The following SARM1 variants were observed in gnomAD, a reference collection of about 807,000 sequenced individuals.
The protein encoded by SARM1 is NAD(+) hydrolase SARM1.
SARM1 carries 60 observed loss-of-function variants against 65.1 expected under a neutral mutation model. The ratio of observed to expected loss-of-function variants is 0.92; its 90% CI spans 0.75 to 1.14. The LOEUF is 1.14. Among genes scored for constraint, SARM1 ranks in the 50% most tolerant of loss-of-function variants. The pLI is 0.00. For synonymous variants in SARM1, 417 were observed against 465.4 expected (o/e 0.90, Z 1.34); for missense variants, 913 against 1,015.7 (o/e 0.90, Z 1.37).
At chr17:28,390,553 A>G (rs1288997517) in intron 7 of SARM1, among the ~76,000 whole-genome samples, 2 of 152,108 alleles carry the variant, frequency 1.3e-5, no homozygotes, top group Non-Finnish European at 2.9e-5. Flanking sequence ...ATGTGATGTT[A>G]TGCTAGAGTC....
In SARM1 at chr17:28,372,228, G is replaced by C; in HGVS notation, c.196G>C (p.Glu66Gln). ...GAGTEVQDAL[E>Q]RALPELQQAL... The stretch of plus-strand genomic sequence containing the variant: ...AGGCACCGAGGTGCAGGACGCCCTG[G>C]AGCGCGCGCTGCCGGAGCTGCAGCA... Residue 66 changes from glutamate (E) to glutamine (Q), a missense_variant, in exon 1 of 9, where the codon GAG (glutamate) becomes CAG (glutamine). Physicochemically the swap from Glu to Gln is conservative, Grantham distance 29. Coordinates refer to ENST00000585482, the MANE Select transcript of SARM1 (RefSeq NM_015077.4). This position sits in a 1 kb window ranked among gnomAD's most constrained non-coding sequence, Gnocchi z 5.2. 7.2e-7 allele frequency: 1 copy of C among 1,385,616 alleles called. No individual in the cohort carries two copies. The highest frequency in any genetic ancestry group is 9.3e-7 in the Non-Finnish European group (1 of 1,079,838). The allele number at this position is 1,385,616 out of a possible 1,614,324, so 85.8% of individuals were successfully genotyped here. A position where few individuals can be genotyped will look rare whatever the true frequency, so the allele number is the denominator to read the frequency against.
chr17:28,395,525 G>A (rs1347093528), intron 7 of SARM1: 3 of 194,016 alleles, frequency 1.5e-5, no homozygotes, highest in African/African-American at 7.0e-5. Context: ...CTGGAGGCTG[G>A]GAGGTGGGGC....
rs782269124 is a variant in SARM1, at chr17:28,372,081, G to C, written c.49G>C (p.Ala17Pro). 151 of 1,496,654 alleles carry C rather than the reference G, an allele frequency of 1.0e-4. No homozygotes were observed. Among genetic ancestry groups the C allele is most frequent in the Non-Finnish European group, 1.2e-4 (139 of 1,129,872 alleles). The allele number at this position is 1,496,654 out of a possible 1,614,324, so 92.7% of individuals were successfully genotyped here. The change falls in exon 1 of 9, where the codon GCC (alanine) becomes CCC (proline). Residue 17 changes from alanine (A) to proline (P), a missense_variant. Ala to Pro is a conservative substitution (Grantham distance 27). Coordinates refer to ENST00000585482, the MANE Select transcript of SARM1 (RefSeq NM_015077.4). The surrounding 1 kb of genome is among the most constrained non-coding windows in gnomAD (Gnocchi z 5.2). ...LSAYKLCRFF[A>P]MSGPRPGAER... Reference sequence around the variant, plus strand: ...CGCCTACAAGCTGTGTCGCTTCTTCGCCATGTCGGGCCCACGGCCGGGCGC... The same window carrying C: ...CGCCTACAAGCTGTGTCGCTTCTTCCCCATGTCGGGCCCACGGCCGGGCGC...
In SARM1 at chr17:28,400,658, G is replaced by C. The variant is rs80338774; in HGVS notation, c.*4372G>C. The C allele has an allele frequency of 6.2e-7, 1 of 1,613,698 alleles. No individual in the cohort carries two copies. The highest frequency in any genetic ancestry group is 1.7e-4 in the Middle Eastern group (1 of 5,990). On this transcript the variant is annotated 3_prime_UTR_variant, in exon 9 of 9. Coordinates refer to ENST00000585482, the MANE Select transcript of SARM1 (RefSeq NM_015077.4). ...CAGGAGGCCAGCTCCCAGGAGGAAG[G>C]GGAACCCCTTCATAAAGTTCAGAGT...
At chr17:28,380,037 C>A (rs1386978630) in intron 1 of SARM1, among the ~76,000 whole-genome samples, 1 of 146,168 alleles carries the variant, frequency 6.8e-6, no homozygotes, top group Non-Finnish European at 1.5e-5. Flanking sequence ...ATATAAACCC[C>A]TCATTGATTT....
chr17:28,387,787 G>C (rs1555586242), intron 5 of SARM1, among the ~76,000 whole-genome samples: 1 of 152,208 alleles, frequency 6.6e-6, no homozygotes, highest in Admixed American at 6.5e-5. Flanking sequence ...AATTAAATGG[G>C]AGGCAGGAGT....
Position 28,372,216 on chromosome 17 carries a change from C to A in SARM1, c.184C>A (p.Gln62Lys). ...GTCGCCGGGGGCAGGCACCGAGGTG[C>A]AGGACGCCCTGGAGCGCGCGCTGCC... ...EVSPGAGTEV[Q>K]DALERALPEL... Residue 62 changes from glutamine to lysine, a missense_variant, in exon 1 of 9, where the codon CAG becomes AAG. Gln to Lys is a moderately conservative substitution (Grantham distance 53). Transcript: ENST00000585482. This position sits in a 1 kb window ranked among gnomAD's most constrained non-coding sequence, Gnocchi z 5.2. 1 of 1,384,822 alleles carries A rather than the reference C, an allele frequency of 7.2e-7. No individual in the cohort carries two copies. Among genetic ancestry groups the A allele is most frequent in the Non-Finnish European group, 9.3e-7 (1 of 1,079,130 alleles). The allele number at this position is 1,384,822 out of a possible 1,614,324, so 85.8% of individuals were successfully genotyped here. A position where few individuals can be genotyped will look rare whatever the true frequency, so the allele number is the denominator to read the frequency against.
chr17:28,395,940 T>A lies in SARM1; in HGVS notation c.1959T>A (p.Ile653=), dbSNP rs782593787. 2.5e-6 allele frequency: 4 copies of A among 1,613,972 alleles called. No individual in the cohort carries two copies. The highest frequency in any genetic ancestry group is 3.4e-6 in the Non-Finnish European group (4 of 1,179,878). Residue 653 remains isoleucine (I), a synonymous_variant, in exon 8 of 9, where the codon ATT becomes ATA. Coordinates refer to ENST00000585482, the MANE Select transcript of SARM1 (RefSeq NM_015077.4). ...CTGCTTTAAGCTGCGGCAAGAACAT[T>A]GTGCCCATCATTGATGGCTTCGAGT... The part of the protein sequence containing the change: ...IVTALSCGKN[I]VPIIDGFEWP...
At chr17:28,392,941 G>C (rs2142438260) in intron 7 of SARM1, among the ~76,000 whole-genome samples, 1 of 152,204 alleles carries the variant, frequency 6.6e-6, no homozygotes, top group East Asian at 1.9e-4. Flanking sequence ...CACATTAGTG[G>C]GTAATCAATA....
chr17:28,379,063 T>C (rs1240062651), intron 1 of SARM1, among the ~76,000 whole-genome samples: 4 of 152,196 alleles, frequency 2.6e-5, no homozygotes, highest in Admixed American at 1.3e-4. Flanking sequence ...TCTATCTATA[T>C]GACAATCTCT....
chr17:28,400,537 G>C lies in SARM1; in HGVS notation c.*4251G>C. 2 of 1,572,576 alleles carry C rather than the reference G, an allele frequency of 1.3e-6. No individual in the cohort carries two copies. Among genetic ancestry groups the C allele is most frequent in the Non-Finnish European group, 1.7e-6 (2 of 1,156,098 alleles). ...TTCCAGGAATGAAGCTGCCATTTCT[G>C]GTTGGGAGGAGAAGAGGAAACTTTT... On this transcript the variant is annotated 3_prime_UTR_variant, in exon 9 of 9. Coordinates refer to ENST00000585482, the MANE Select transcript of SARM1 (RefSeq NM_015077.4).
At position 28,372,320 on chromosome 17, in the gene SARM1, C is replaced by A. The variant is rs2067962412; in HGVS notation, c.288C>A (p.Phe96Leu). 1 of 1,462,864 alleles carries A rather than the reference C, an allele frequency of 6.8e-7. No individual in the cohort carries two copies. The highest frequency in any genetic ancestry group is 9.0e-7 in the Non-Finnish European group (1 of 1,114,830). 90.6% of individuals were successfully genotyped at this position (1,462,864 alleles called of 1,614,324 possible). Reference sequence around the variant, plus strand: ...TGGGCGCCGGCCTGGCCGAGGTCTTCCAACTGGTGGAGGAGGCCTGGCTGC... The same window carrying A: ...TGGGCGCCGGCCTGGCCGAGGTCTTACAACTGGTGGAGGAGGCCTGGCTGC... ...RAVGAGLAEV[F>L]QLVEEAWLLP... Residue 96 changes from phenylalanine to leucine, a missense_variant, in exon 1 of 9, where the codon TTC (phenylalanine) becomes TTA (leucine). Transcript: ENST00000585482. This position sits in a 1 kb window ranked among gnomAD's most constrained non-coding sequence, Gnocchi z 5.2.
chr17:28,389,958 G>A (rs1459909297), intron 7 of SARM1, among the ~76,000 whole-genome samples: 1 of 152,200 alleles, frequency 6.6e-6, no homozygotes, highest in Non-Finnish European at 1.5e-5. Context: ...GGAGAAGGGA[G>A]AGAGCATCAA....
chr17:28,391,879 C>CA lies in SARM1; in HGVS notation c.1923+3340_1923+3341insA, dbSNP rs2068082192. Among the ~76,000 whole-genome samples, 5 of 108,902 alleles carry CA rather than the reference C, an allele frequency of 4.6e-5. No homozygotes were observed. The East Asian group carries it at 1.6e-3, about 36-fold the overall frequency. The allele number at this position is 108,902 out of a possible 152,430, so 71.4% of individuals were successfully genotyped here. A position where few individuals can be genotyped will look rare whatever the true frequency, so the allele number is the denominator to read the frequency against. ...TTTACCAGGTTAGAGGACTTGACTC[C>CA]GTTTTTTTTTTTTTTTTTCCAGTAG... On this transcript the variant is annotated intron_variant, in intron 7 of 8. Transcript: ENST00000585482.
chr17:28,399,521 T>A lies in SARM1; in HGVS notation c.*3235T>A, dbSNP rs954619388. On this transcript the variant is annotated 3_prime_UTR_variant, in exon 9 of 9. Coordinates refer to ENST00000585482, the MANE Select transcript of SARM1 (RefSeq NM_015077.4). ...GGGTGGTGCCTTGGTCTCTCTTGAC[T>A]ACCTCGTCCAAAGAGAGCACTGCCC... 15 of 850,468 alleles carry A rather than the reference T, an allele frequency of 1.8e-5. No homozygotes were observed. The highest frequency in any genetic ancestry group is 2.8e-5 in the Non-Finnish European group (15 of 528,808). 52.7% of individuals were successfully genotyped at this position (850,468 alleles called of 1,614,324 possible).
chr17:28,371,786 GCT>G lies in SARM1; in HGVS notation c.-245_-244del. On this transcript the variant is annotated 5_prime_UTR_variant, in exon 1 of 9. Transcript: ENST00000585482. ...CGGCGTCCGGAGCCATCCCTCGCCTGCTCGCTCTCTCCTTTCGCCCACTCCCT... is the reference window on the plus strand; with the variant it reads ...CGGCGTCCGGAGCCATCCCTCGCCTGCGCTCTCTCCTTTCGCCCACTCCCT... 1 of 394,716 alleles carries G rather than the reference GCT, an allele frequency of 2.5e-6. No individual in the cohort carries two copies. The highest frequency in any genetic ancestry group is 4.5e-6 in the Non-Finnish European group (1 of 221,622). 24.5% of individuals were successfully genotyped at this position (394,716 alleles called of 1,614,324 possible).
chr17:28,395,833 C>T (rs1404937068), intron 7 of SARM1, 72 bp from the exon 8 acceptor site: 2 of 1,590,224 alleles, frequency 1.3e-6, no homozygotes, highest in African/African-American at 1.3e-5. Flanking sequence ...GTGGGCCTCC[C>T]AGCACCTGCC....
At position 28,395,929 on chromosome 17, in the gene SARM1, G is replaced by A. The variant is rs557710063; in HGVS notation, c.1948G>A (p.Gly650Ser). ...GGAGATTGTGACTGCTTTAAGCTGC[G>A]GCAAGAACATTGTGCCCATCATTGA... ...HKEIVTALSCGKNIVPIIDGF... is the reference protein window; with the variant it reads ...HKEIVTALSCSKNIVPIIDGF... The change falls in exon 8 of 9, where the codon GGC becomes AGC. Residue 650 changes from glycine (G) to serine (S), a missense_variant. Physicochemically the swap from Gly to Ser is moderately conservative, Grantham distance 56. Around this residue, in one of 3 missense-constraint regions of SARM1, gnomAD observed 862 missense variants for 952.1 expected, o/e 0.91. Coordinates refer to ENST00000585482, the MANE Select transcript of SARM1 (RefSeq NM_015077.4). The A allele has an allele frequency of 3.6e-5, 58 of 1,613,890 alleles. 1 individual carries two copies. The highest frequency in any genetic ancestry group is 2.6e-4 in the South Asian group (24 of 91,070).
chr17:28,391,276 T>C (rs2068078430), intron 7 of SARM1, among the ~76,000 whole-genome samples: 1 of 152,198 alleles, frequency 6.6e-6, no homozygotes, highest in Non-Finnish European at 1.5e-5. Context: ...AGCTAGTTAC[T>C]ATAAAGTTAG....
Sources: gnomAD v4.1 joint callset for allele counts (sites outside exome capture counted in the v4.1 genomes callset) on GRCh38, gnomAD v4.1.1 for gene constraint, gnomAD v4.1.1 regional missense constraint, Gnocchi (gnomAD v3.1) non-coding constraint, MANE v1.5 for transcripts, NCBI Gene and HGNC (gene_info 2026-07-23, HGNC 2026-07-21) for gene names.